Variants in EIF4A2 observed in about 807,000 individuals in gnomAD.
EIF4A2 encodes eukaryotic translation initiation factor 4A2, also known as eukaryotic initiation factor 4A-II.
Under a neutral mutation model 50.6 loss-of-function variants are expected in EIF4A2, and 9 were observed. The observed-to-expected ratio is 0.18, with a 90% confidence interval of 0.11 to 0.31. The LOEUF is 0.31. Among genes scored for constraint, EIF4A2 ranks in the 10% least tolerant of loss-of-function variants. The pLI is 1.00. For missense variants in EIF4A2, 182 were observed against 501.8 expected (o/e 0.36, Z 6.09); for synonymous variants, 215 against 164.4 (o/e 1.31, Z -2.35).
chr3:186,785,052 A>C lies in EIF4A2; in HGVS notation c.299A>C (p.Lys100Thr), dbSNP rs1366744628. Residue 100 changes from lysine (K) to threonine (T), a missense_variant, in exon 4 of 11, where the codon AAG (lysine) becomes ACG (threonine). Coordinates refer to ENST00000323963, the MANE Select transcript of EIF4A2 (RefSeq NM_001967.4). The part of the protein sequence containing the change: ...SILQQLEIEF[K>T]ETQALVLAPT... ...CTGCAACAGTTGGAGATTGAGTTCA[A>C]GGAGACCCAAGCACTAGTATTGGCC... 1.2e-6 allele frequency: 2 copies of C among 1,614,068 alleles called. No individual in the cohort carries two copies. Among genetic ancestry groups the C allele is most frequent in the Non-Finnish European group, 1.7e-6 (2 of 1,180,040 alleles).
chr3:186,784,342 G>C (rs985264696), intron 1 of EIF4A2, 90 bp from the exon 2 acceptor site: 14 of 1,587,884 alleles, frequency 8.8e-6, no homozygotes, highest in Non-Finnish European at 1.2e-5. Flanking sequence ...GGAGGCTAAC[G>C]TGCTGAGACG....
intron 6 of EIF4A2, 82 bp downstream of exon 6, chr3:186,786,355 TTTG>T (rs1411157858): frequency 1.3e-6 from 2 of 1,514,368 alleles, no homozygotes; most frequent in African/African-American, 2.8e-5. Context: ...ACTGATGTGT[TTTG>T]TTGTCGTTCC....
intron 10 of EIF4A2, chr3:186,788,343 CTCAGA>C: frequency 6.2e-6 from 8 of 1,289,178 alleles, no homozygotes; most frequent in Non-Finnish European, 8.1e-6. Flanking sequence ...CGAGATGGCA[CTCAGA>C]AACGGCGTTG....
At position 186,789,671 on chromosome 3, in the gene EIF4A2, G is replaced by GC. The variant is rs1361219460; in HGVS notation, c.*404dup. On this transcript the variant is annotated 3_prime_UTR_variant, in exon 11 of 11. Coordinates refer to ENST00000323963, the MANE Select transcript of EIF4A2 (RefSeq NM_001967.4). Reference sequence around the variant, plus strand: ...TCTGCCTTTATTGTGTTTGTCATTAGCCTGAGTAGAAAGGCCTTTAAAATT... The same window carrying GC: ...TCTGCCTTTATTGTGTTTGTCATTAGCCCTGAGTAGAAAGGCCTTTAAAATT... 2.4e-4 allele frequency: 86 copies of GC among 365,180 alleles called. No individual in the cohort carries two copies. The highest frequency in any genetic ancestry group is 3.4e-4 in the Non-Finnish European group (68 of 201,646). The allele number at this position is 365,180 out of a possible 1,614,324, so 22.6% of individuals were successfully genotyped here.
intron 7 of EIF4A2, 184 bp downstream of exon 7, chr3:186,786,829 G>C: frequency 1.1e-6 from 1 of 944,170 alleles, no homozygotes; most frequent in Non-Finnish European, 1.8e-6. Flanking sequence ...AATGTCCTTT[G>C]TCTTAAGATT....
chr3:186,784,510 A>G, intron 2 of EIF4A2, 33 bp downstream of exon 2: 3 of 1,614,174 alleles, frequency 1.9e-6, no homozygotes, highest in Admixed American at 1.7e-5. Flanking sequence ...GAAGCTTTGG[A>G]AAGGTGAGTG....
chr3:186,787,970 A>G lies in EIF4A2; in HGVS notation c.1079+88A>G, dbSNP rs1055434292. ...ATGAAAGGTAACATCAAATCAAGGAATAGATTCAGTAAAGTCAGTAGTGTT... is the reference window on the plus strand; with the variant it reads ...ATGAAAGGTAACATCAAATCAAGGAGTAGATTCAGTAAAGTCAGTAGTGTT... On this transcript the variant is annotated intron_variant, in intron 10 of 10. Coordinates refer to ENST00000323963, the MANE Select transcript of EIF4A2 (RefSeq NM_001967.4). The G allele has an allele frequency of 2.4e-5, 33 of 1,375,520 alleles. 1 individual carries two copies. The Middle Eastern group carries it at 1.4e-3, about 59-fold the overall frequency. The allele number at this position is 1,375,520 out of a possible 1,614,324, so 85.2% of individuals were successfully genotyped here. A position where few individuals can be genotyped will look rare whatever the true frequency, so the allele number is the denominator to read the frequency against.
intron 7 of EIF4A2, 44 bp from the exon 8 acceptor site, chr3:186,787,083 G>C (rs747666670): frequency 1.2e-6 from 2 of 1,609,458 alleles, no homozygotes; most frequent in South Asian, 2.2e-5. Flanking sequence ...CTGAAGAGTT[G>C]GAAAAACTAA....
In EIF4A2 at chr3:186,783,643, T is replaced by G. The variant is rs1327147804; in HGVS notation, c.29+4T>G. The G allele has an allele frequency of 6.2e-7, 1 of 1,614,010 alleles. No individual in the cohort carries two copies. The highest frequency in any genetic ancestry group is 1.3e-5 in the African/African-American group (1 of 74,902). ...GTGGCTCCGCGGATTATAACAGGTA[T>G]GCAGTCTGTTGGCGGTCGCGGTCTG... On this transcript the variant is annotated splice_donor_region_variant and intron_variant, in intron 1 of 10. Transcript: ENST00000323963.
In EIF4A2 at chr3:186,784,116, C is replaced by T. The variant is rs531668598; in HGVS notation, c.30-316C>T. 908 of 496,766 alleles carry T rather than the reference C, an allele frequency of 1.8e-3. 2 individuals carry two copies. Among genetic ancestry groups the T allele is most frequent in the Non-Finnish European group, 1.9e-3 (529 of 275,468 alleles). 30.8% of individuals were successfully genotyped at this position (496,766 alleles called of 1,614,324 possible). A position where few individuals can be genotyped will look rare whatever the true frequency, so the allele number is the denominator to read the frequency against. On this transcript the variant is annotated intron_variant, in intron 1 of 10. Transcript: ENST00000323963. ...CGGTGAACCGTTGGCATCGCCCTCG[C>T]CAGGCCGCTCCGCCCGCGTCAATCA...
chr3:186,784,580 T>A lies in EIF4A2; in HGVS notation c.92T>A (p.Ile31Asn). The change falls in exon 3 of 11, where the codon ATT (isoleucine) becomes AAT (asparagine). Residue 31 changes from isoleucine (I) to asparagine (N), a missense_variant. By Grantham distance (149) the Ile-to-Asn change is moderately radical. This residue lies in a region of EIF4A2 where 113 missense variants were observed against 357.3 expected (regional missense o/e 0.32). Coordinates refer to ENST00000323963, the MANE Select transcript of EIF4A2 (RefSeq NM_001967.4). ...DGVIESNWNE[I>N]VDNFDDMNLK... is the part of the protein sequence containing the mutation. ...AACTTACAGAGCAACTGGAATGAGA[T>A]TGTTGATAACTTTGATGATATGAAT... 1 of 1,614,230 alleles carries A rather than the reference T, an allele frequency of 6.2e-7. No individual in the cohort carries two copies. The highest frequency in any genetic ancestry group is 8.5e-7 in the Non-Finnish European group (1 of 1,180,006).
intron 1 of EIF4A2, chr3:186,783,918 G>A (rs1014809728): frequency 7.9e-6 from 4 of 506,912 alleles, no homozygotes; most frequent in African/African-American, 3.8e-5. Context: ...GGGAAACATG[G>A]AGTAAAAAGC....
rs1326128484 is a variant in EIF4A2, at chr3:186,784,550, T to A, written c.76-14T>A. The A allele has an allele frequency of 2.5e-6, 4 of 1,614,100 alleles. No individual in the cohort carries two copies. The highest frequency in any genetic ancestry group is 3.4e-6 in the Non-Finnish European group (4 of 1,180,024). ...CATCTCATTTATGCGTGCATTATTT[T>A]TTCTAACTTACAGAGCAACTGGAAT... On this transcript the variant is annotated splice_polypyrimidine_tract_variant and intron_variant, in intron 2 of 10. Coordinates refer to ENST00000323963, the MANE Select transcript of EIF4A2 (RefSeq NM_001967.4).
chr3:186,789,813 T>C lies in EIF4A2; in HGVS notation c.*544T>C, dbSNP rs2108464761. The C allele has an allele frequency of 3.3e-6, 2 of 606,722 alleles. No homozygotes were observed. The highest frequency in any genetic ancestry group is 2.9e-6 in the Non-Finnish European group (1 of 346,950). The allele number at this position is 606,722 out of a possible 1,614,324, so 37.6% of individuals were successfully genotyped here. Reference sequence around the variant, plus strand: ...CTAAGCCCCAGCAAGCAATCCTAGGTAGGGTTTAATCCCCAGTAAAATTGC... The same window carrying C: ...CTAAGCCCCAGCAAGCAATCCTAGGCAGGGTTTAATCCCCAGTAAAATTGC... On this transcript the variant is annotated 3_prime_UTR_variant, in exon 11 of 11. Transcript: ENST00000323963.
chr3:186,786,773 C>T, intron 7 of EIF4A2, 128 bp downstream of exon 7: 1 of 1,293,140 alleles, frequency 7.7e-7, no homozygotes, highest in East Asian at 2.3e-5. Context: ...AGAAAAGTAA[C>T]AGCACTAGAT....
In EIF4A2 at chr3:186,787,001, C is replaced by CT. The variant is rs554088706; in HGVS notation, c.772-125dup. 5.9e-4 allele frequency: 813 copies of CT among 1,387,044 alleles called. 3 individuals are homozygous for CT. Among genetic ancestry groups the CT allele is most frequent in the Middle Eastern group, 2.4e-3 (9 of 3,778 alleles). 85.9% of individuals were successfully genotyped at this position (1,387,044 alleles called of 1,614,324 possible). ...CCTGGTCTGGTTGGAACTCTGGGCT[C>CT]TAAGTGCTAGGATCCCAAAGGGCTG... On this transcript the variant is annotated intron_variant, in intron 7 of 10. Coordinates refer to ENST00000323963, the MANE Select transcript of EIF4A2 (RefSeq NM_001967.4).
Position 186,783,590 on chromosome 3 carries a change from C to CGCT in EIF4A2, c.-19_-17dup, listed in dbSNP as rs1721491565. 1 of 1,613,972 alleles carries CGCT rather than the reference C, an allele frequency of 6.2e-7. No homozygotes were observed. Among genetic ancestry groups the CGCT allele is most frequent in the Non-Finnish European group, 8.5e-7 (1 of 1,180,032 alleles). ...GGGCGCCGCTGTCTTTTCAGTCGGG[C>CGCT]GCTGAGTGGTTTTTCGGATCATGTC... On this transcript the variant is annotated 5_prime_UTR_variant, in exon 1 of 11. Coordinates refer to ENST00000323963, the MANE Select transcript of EIF4A2 (RefSeq NM_001967.4).
chr3:186,788,429 A>G, intron 10 of EIF4A2: 2 of 1,240,846 alleles, frequency 1.6e-6, no homozygotes, highest in East Asian at 5.7e-5. Context: ...CGGTATTTAT[A>G]TTTGTTTTTC....
chr3:186,785,832 A>C, intron 4 of EIF4A2, 51 bp from the exon 5 acceptor site: 1 of 1,556,072 alleles, frequency 6.4e-7, no homozygotes, highest in Non-Finnish European at 8.7e-7. Flanking sequence ...TTTAAAAATT[A>C]GTCATTGATC....
Sources: allele counts gnomAD v4.1 joint callset, GRCh38; gene constraint gnomAD v4.1.1; regional missense constraint gnomAD v4.1.1; transcripts MANE v1.5; gene names NCBI Gene and HGNC (gene_info 2026-07-23, HGNC 2026-07-21).